Variants in ATP9A observed in about 807,000 individuals in gnomAD.
ATP9A encodes probable phospholipid-transporting ATPase IIA.
ATP9A carries 52 observed loss-of-function variants against 144.1 expected under a neutral mutation model. The observed-to-expected ratio is 0.36, with a 90% CI of 0.29 to 0.45. ATP9A has a LOEUF of 0.45. ATP9A is among the 20% of genes least tolerant of loss of function. ATP9A has a pLI of 1.00. For synonymous variants in ATP9A, 582 were observed against 557.4 expected (o/e 1.04, Z -0.62); for missense variants, 947 against 1,392.7 (o/e 0.68, Z 5.09).
intron 2 of ATP9A, among the ~76,000 whole-genome samples, chr20:51,729,562 T>C (rs1401540999): frequency 1.3e-5 from 2 of 152,148 alleles, no homozygotes; most frequent in East Asian, 3.9e-4. Context: ...CTGGCCAACA[T>C]GGTGAAACCC....
At chr20:51,765,893 G>A (rs1372276888) in intron 1 of ATP9A, among the ~76,000 whole-genome samples, 1 of 151,998 alleles carries the variant, frequency 6.6e-6, no homozygotes, top group Non-Finnish European at 1.5e-5. Context: ...GGAGGCAGAG[G>A]TTGCAGTGGG....
At chr20:51,644,764 A>G (rs1285719717) in intron 14 of ATP9A, among the ~76,000 whole-genome samples, 1 of 151,564 alleles carries the variant, frequency 6.6e-6, no homozygotes, top group African/African-American at 2.4e-5. Flanking sequence ...AAAAAAAATT[A>G]TTCTTCAGGT....
intron 17 of ATP9A, 149 bp downstream of exon 17, chr20:51,627,451 C>G (rs907907110): frequency 4.3e-5 from 31 of 717,846 alleles, no homozygotes; most frequent in Non-Finnish European, 6.8e-5. Context: ...GCAGACAGAA[C>G]GGCAAGTGCA....
intron 19 of ATP9A, among the ~76,000 whole-genome samples, chr20:51,621,442 G>A (rs904170355): frequency 2.0e-5 from 3 of 152,062 alleles, no homozygotes; most frequent in Non-Finnish European, 4.4e-5. Flanking sequence ...CAGATCAGTG[G>A]GATTACTATA....
Position 51,668,965 on chromosome 20 carries a change from T to C in ATP9A, c.1293+1032A>G, listed in dbSNP as rs951627123. Among the ~76,000 whole-genome samples, 4 of 152,216 alleles carry C rather than the reference T, an allele frequency of 2.6e-5. No homozygotes were observed. The East Asian group carries it at 7.7e-4, about 29-fold the overall frequency. ...TCTGCCTTTAACCTGTATACAGAGA[T>C]AATTCATTCATATTTCTTACTGGTC... is the stretch of plus-strand genomic sequence containing the variant. On this transcript the variant is annotated intron_variant, in intron 13 of 27. Coordinates refer to ENST00000338821, the MANE Select transcript of ATP9A (RefSeq NM_006045.3).
chr20:51,620,747 G>A (rs996317141), intron 19 of ATP9A, among the ~76,000 whole-genome samples: 1 of 152,072 alleles, frequency 6.6e-6, no homozygotes, highest in African/African-American at 2.4e-5. Flanking sequence ...GATACTCGAT[G>A]GACTGCAAAA....
In ATP9A at chr20:51,768,385, C is replaced by G. The variant is rs1451781101; in HGVS notation, c.-16G>C. ...TGTCCGTCATGTCGGCGGCGCCGCC[C>G]GCCTTGGCCGCCGCGCCCCCCGCGC... On this transcript the variant is annotated 5_prime_UTR_variant, in exon 1 of 28. Coordinates refer to ENST00000338821, the MANE Select transcript of ATP9A (RefSeq NM_006045.3). The G allele has an allele frequency of 8.9e-7, 1 of 1,126,394 alleles. No homozygotes were observed. The highest frequency in any genetic ancestry group is 1.1e-6 in the Non-Finnish European group (1 of 919,920). The allele number at this position is 1,126,394 out of a possible 1,614,324, so 69.8% of individuals were successfully genotyped here.
intron 9 of ATP9A, among the ~76,000 whole-genome samples, chr20:51,688,726 G>A (rs1601105662): frequency 1.3e-5 from 2 of 152,282 alleles, no homozygotes; most frequent in African/African-American, 4.8e-5. Flanking sequence ...GGCAGTCCCA[G>A]CGCGACATAC....
At chr20:51,741,912 C>A (rs947971810) in intron 1 of ATP9A, among the ~76,000 whole-genome samples, 1 of 152,220 alleles carries the variant, frequency 6.6e-6, no homozygotes, top group Non-Finnish European at 1.5e-5. Context: ...ACAACCTCCA[C>A]AACAGAGAAG....
intron 15 of ATP9A, among the ~76,000 whole-genome samples, chr20:51,634,672 A>G (rs866397823): frequency 1.3e-5 from 2 of 151,980 alleles, no homozygotes; most frequent in Non-Finnish European, 2.9e-5. Flanking sequence ...CCTGGCCAAC[A>G]TGGAGAAACC....
intron 1 of ATP9A, among the ~76,000 whole-genome samples, chr20:51,745,284 A>C (rs866050780): frequency 0.016 from 2,367 of 150,670 alleles, 29 homozygotes; most frequent in Non-Finnish European, 0.023. Flanking sequence ...AAAAAAAAAA[A>C]ATTAGCTGGG....
intron 13 of ATP9A, among the ~76,000 whole-genome samples, chr20:51,660,715 G>T (rs1014875474): frequency 6.6e-6 from 1 of 152,188 alleles, no homozygotes; most frequent in African/African-American, 2.4e-5. Context: ...AACTGACCAG[G>T]GGCTGTGTTT....
intron 17 of ATP9A, among the ~76,000 whole-genome samples, chr20:51,626,629 G>C (rs547081086): frequency 6.6e-6 from 1 of 151,996 alleles, no homozygotes; most frequent in African/African-American, 2.4e-5. Context: ...GGGCAGCATA[G>C]CGAGACCCCG....
intron 1 of ATP9A, among the ~76,000 whole-genome samples, chr20:51,739,530 T>C (rs2077776401): frequency 6.6e-6 from 1 of 152,066 alleles, no homozygotes; most frequent in African/African-American, 2.4e-5. Context: ...TTTTTGTGTT[T>C]TTTTTAGCAG....
At chr20:51,676,244 A>C in intron 9 of ATP9A, 36 bp from the exon 10 acceptor site, 1 of 1,484,380 alleles carries the variant, frequency 6.7e-7, no homozygotes, top group South Asian at 1.2e-5. Flanking sequence ...AAAAGAAAAG[A>C]AATATTAATA....
At chr20:51,677,285 T>C (rs1014425815) in intron 9 of ATP9A, among the ~76,000 whole-genome samples, 1 of 152,144 alleles carries the variant, frequency 6.6e-6, no homozygotes, top group Non-Finnish European at 1.5e-5. Flanking sequence ...GCCAAACCAA[T>C]GATCTGCGGC....
intron 14 of ATP9A, among the ~76,000 whole-genome samples, chr20:51,654,330 A>T (rs1006592310): frequency 3.3e-5 from 5 of 152,224 alleles, no homozygotes; most frequent in African/African-American, 9.6e-5. Context: ...GATGACACTC[A>T]AGCGTTCTTC....
At chr20:51,656,506 T>C (rs6126283) in intron 14 of ATP9A, among the ~76,000 whole-genome samples, 73,063 of 151,790 alleles carry the variant, frequency 0.48, 18,343 homozygotes, top group East Asian at 0.8. Flanking sequence ...TGAGCCGAGA[T>C]CACGCCACTG....
intron 15 of ATP9A, among the ~76,000 whole-genome samples, chr20:51,632,342 A>G (rs112940835): frequency 0.016 from 2,509 of 152,324 alleles, 83 homozygotes; most frequent in African/African-American, 0.057. Flanking sequence ...TTGGCCTCCC[A>G]AAGTATTACA....
Sources: gnomAD v4.1 joint callset for allele counts (sites outside exome capture counted in the v4.1 genomes callset) on GRCh38, gnomAD v4.1.1 for gene constraint, MANE v1.5 for transcripts, NCBI Gene and HGNC (gene_info 2026-07-23, HGNC 2026-07-21) for gene names.